The following CARS1 variants were observed in gnomAD, a reference collection of about 807,000 sequenced individuals.
CARS1 encodes cysteine--tRNA ligase, cytoplasmic.
CARS1 carries 48 observed loss-of-function variants against 106.2 expected under a neutral mutation model. That is an observed-to-expected ratio of 0.45 (90% confidence interval 0.36 to 0.57). The LOEUF (loss-of-function observed/expected upper bound fraction) is 0.57. Ranked by LOEUF, CARS1 falls within the 20% of genes least tolerant of loss-of-function variation. The pLI is 0.00. For missense variants in CARS1, 968 were observed against 1,057.2 expected (o/e 0.92, Z 1.17); for synonymous variants, 409 against 403.4 (o/e 1.01, Z -0.17).
Position 3,022,736 on chromosome 11 carries a change from C to A in CARS1, c.1154-2404G>T, listed in dbSNP as rs148829419. 9.9e-4 allele frequency among the ~76,000 whole-genome samples: 151 copies of A among 152,346 alleles called. No individual in the cohort carries two copies. Among genetic ancestry groups the A allele is most frequent in the African/African-American group, 3.6e-3 (148 of 41,576 alleles). ...CTCCCTGCACTAGGCCTTCCTGCCA[C>A]GTGCCTTCCCGAGTGGTCTGCATGG... is the stretch of plus-strand genomic sequence containing the variant. On this transcript the variant is annotated intron_variant, in intron 10 of 22. Coordinates refer to ENST00000380525, the MANE Select transcript of CARS1 (RefSeq NM_001014437.3). The surrounding 1 kb of genome is among the most constrained non-coding windows in gnomAD (Gnocchi z 4.9).
chr11:3,036,033 C>T (rs1452297799), intron 7 of CARS1, among the ~76,000 whole-genome samples: 1 of 152,220 alleles, frequency 6.6e-6, no homozygotes, highest in East Asian at 1.9e-4. Flanking sequence ...GGAATTGCGG[C>T]ACGTGCCAGG....
rs1185979183 is a variant in CARS1 at position 3,040,885 on chromosome 11, G to A, written c.455+11C>T. ...TGCAGAAGCTGCAGGGACACCCCGC[G>A]GTGGACCTACCTGGCGTGCCCCATG... On this transcript the variant is annotated intron_variant, in intron 4 of 22. Coordinates refer to ENST00000380525, the MANE Select transcript of CARS1 (RefSeq NM_001014437.3). This position sits in a 1 kb window ranked among gnomAD's most constrained non-coding sequence, Gnocchi z 5.8. The A allele has an allele frequency of 3.3e-5, 54 of 1,612,958 alleles. No individual in the cohort carries two copies. Among genetic ancestry groups the A allele is most frequent in the Non-Finnish European group, 4.1e-5 (48 of 1,179,506 alleles).
intron 1 of CARS1, among the ~76,000 whole-genome samples, chr11:3,051,790 CCT>C (rs1251187469): frequency 6.6e-6 from 1 of 152,202 alleles, no homozygotes. Flanking sequence ...ATTCCTCTCC[CCT>C]GTCCCCTCCC....
rs905911497 is a variant in CARS1 at position 3,052,281 on chromosome 11, C to T, written c.26-4280G>A. On this transcript the variant is annotated intron_variant, in intron 1 of 22. Coordinates refer to ENST00000380525, the MANE Select transcript of CARS1 (RefSeq NM_001014437.3). This position sits in a 1 kb window ranked among gnomAD's most constrained non-coding sequence, Gnocchi z 4.6. The stretch of plus-strand genomic sequence containing the variant: ...GGCGGCATTTCCTCACGGTAAAACA[C>T]GCTCATAACATCAGCCCTGTAAAGC... Among the ~76,000 whole-genome samples, 4 of 152,188 alleles carry T rather than the reference C, an allele frequency of 2.6e-5. No individual in the cohort carries two copies. The highest frequency in any genetic ancestry group is 7.2e-5 in the African/African-American group (3 of 41,456).
Position 3,036,428 on chromosome 11 carries a change from G to A in CARS1, c.801+1622C>T, listed in dbSNP as rs557744541. Among the ~76,000 whole-genome samples the A allele has an allele frequency of 1.6e-4, 24 of 152,138 alleles. No homozygotes were observed. In the South Asian group the frequency reaches 5.0e-3, roughly 32 times the overall value. ...ACAACACAAAACAACTCACAGTTCA[G>A]CAAAAGACACTCCACATCACTAGCC... On this transcript the variant is annotated intron_variant, in intron 7 of 22. Transcript: ENST00000380525.
At chr11:3,002,489 C>A in intron 21 of CARS1, 52 bp downstream of exon 21, 1 of 1,608,386 alleles carries the variant, frequency 6.2e-7, no homozygotes, top group South Asian at 1.1e-5. Flanking sequence ...GGCATGGGGT[C>A]AGGGTGCACT....
In CARS1 at chr11:3,022,361, G is replaced by A. The variant is rs71476700; in HGVS notation, c.1154-2029C>T. Among the ~76,000 whole-genome samples, 833 of 152,142 alleles carry A rather than the reference G, an allele frequency of 5.5e-3. 8 individuals are homozygous for A. Among genetic ancestry groups the A allele is most frequent in the Middle Eastern group, 0.027 (8 of 294 alleles). Reference sequence around the variant, plus strand: ...GTTTACCTCCCTGTCCCATGACTTCGCCCCTCACTTCCCCAGCAACCGGCA... The same window carrying A: ...GTTTACCTCCCTGTCCCATGACTTCACCCCTCACTTCCCCAGCAACCGGCA... On this transcript the variant is annotated intron_variant, in intron 10 of 22. Coordinates refer to ENST00000380525, the MANE Select transcript of CARS1 (RefSeq NM_001014437.3). This position sits in a 1 kb window ranked among gnomAD's most constrained non-coding sequence, Gnocchi z 4.9.
At chr11:3,011,775 C>T (rs116792101) in intron 18 of CARS1, among the ~76,000 whole-genome samples, 2,467 of 152,294 alleles carry the variant, frequency 0.016, 76 homozygotes, top group African/African-American at 0.056. Context: ...ACGAGCCACA[C>T]CTCAGCGCAC....
At chr11:3,036,567 T>C (rs1317136325) in intron 7 of CARS1, among the ~76,000 whole-genome samples, 1 of 152,216 alleles carries the variant, frequency 6.6e-6, no homozygotes, top group Non-Finnish European at 1.5e-5. Context: ...CCCCATGCAC[T>C]ATGGGTGGGA....
intron 2 of CARS1, 29 bp from the exon 3 acceptor site, chr11:3,042,285 T>TCCAGGGGCAGCA: frequency 6.4e-7 from 1 of 1,574,490 alleles, no homozygotes; most frequent in Non-Finnish European, 8.7e-7. Context: ...AGGATCAGGG[T>TCCAGGGGCAGCA]CCAGGGGCAG....
rs1261792062 is a variant in CARS1 at position 3,052,090 on chromosome 11, C to T, written c.26-4089G>A. ...TCACATTTTCTGCAGTAAGCATCTG[C>T]TATTTTTAAAATGAGAAAAACATCA... On this transcript the variant is annotated intron_variant, in intron 1 of 22. Coordinates refer to ENST00000380525, the MANE Select transcript of CARS1 (RefSeq NM_001014437.3). This position sits in a 1 kb window ranked among gnomAD's most constrained non-coding sequence, Gnocchi z 4.6. Among the ~76,000 whole-genome samples, 1 of 152,242 alleles carries T rather than the reference C, an allele frequency of 6.6e-6. No homozygotes were observed. Among genetic ancestry groups the T allele is most frequent in the Non-Finnish European group, 1.5e-5 (1 of 68,038 alleles).
chr11:3,026,286 A>G (rs1441037098), intron 10 of CARS1, among the ~76,000 whole-genome samples: 3 of 152,200 alleles, frequency 2.0e-5, no homozygotes, highest in Non-Finnish European at 2.9e-5. Flanking sequence ...CTAGCACAGT[A>G]GGGTGACTAT....
chr11:3,020,416 C>T lies in CARS1; in HGVS notation c.1154-84G>A, dbSNP rs1014885915. On this transcript the variant is annotated intron_variant, in intron 10 of 22. Coordinates refer to ENST00000380525, the MANE Select transcript of CARS1 (RefSeq NM_001014437.3). The surrounding 1 kb of genome is among the most constrained non-coding windows in gnomAD (Gnocchi z 4.6). ...CTCACTTCAAGGCCATCCACGGTGC[C>T]TAATGGGCAGTCCTTCTGACTAACT... The T allele has an allele frequency of 2.6e-6, 2 of 784,258 alleles. No homozygotes were observed. Among genetic ancestry groups the T allele is most frequent in the South Asian group, 2.8e-5 (2 of 71,756 alleles). 48.6% of individuals were successfully genotyped at this position (784,258 alleles called of 1,614,324 possible).
chr11:3,033,226 T>C (rs1456741490), intron 7 of CARS1, among the ~76,000 whole-genome samples: 1 of 152,030 alleles, frequency 6.6e-6, no homozygotes, highest in African/African-American at 2.4e-5. Context: ...CCAACAGGTA[T>C]AGCTAAGTGG....
At chr11:3,027,713 G>C (rs1852242151) in intron 9 of CARS1, 1 of 398,154 alleles carries the variant, frequency 2.5e-6, no homozygotes, top group Non-Finnish European at 5.2e-6. Context: ...GAAGACAAGA[G>C]TGTGAACCTC....
intron 2 of CARS1, among the ~76,000 whole-genome samples, chr11:3,047,527 G>C (rs980532671): frequency 1.3e-5 from 2 of 152,180 alleles, no homozygotes; most frequent in African/African-American, 4.8e-5. Context: ...CACCAGTGAT[G>C]TGAACATACT....
At chr11:3,011,767 G>A (rs888090507) in intron 18 of CARS1, among the ~76,000 whole-genome samples, 1 of 152,204 alleles carries the variant, frequency 6.6e-6, no homozygotes, top group Non-Finnish European at 1.5e-5. Flanking sequence ...CAGCAGGAAC[G>A]AGCCACACCT....
At position 3,045,975 on chromosome 11, in the gene CARS1, TGCTCAGTGTACA is replaced by T. The variant is rs1855037452; in HGVS notation, c.274+1766_274+1777del. On this transcript the variant is annotated intron_variant, in intron 2 of 22. Coordinates refer to ENST00000380525, the MANE Select transcript of CARS1 (RefSeq NM_001014437.3). This position sits in a 1 kb window ranked among gnomAD's most constrained non-coding sequence, Gnocchi z 5.6. The stretch of plus-strand genomic sequence containing the variant: ...AGCTCCCACCTCCCCCTTCAGCCCC[TGCTCAGTGTACA>T]GCAAGCTTGAGTGAGGGTCGCCTGA... 6.6e-6 allele frequency among the ~76,000 whole-genome samples: 1 copy of T among 152,172 alleles called. No individual in the cohort carries two copies. The highest frequency in any genetic ancestry group is 1.5e-5 in the Non-Finnish European group (1 of 68,038).
In CARS1 at chr11:3,044,661, C is replaced by T. The variant is rs1854894469; in HGVS notation, c.275-2405G>A. On this transcript the variant is annotated intron_variant, in intron 2 of 22. Coordinates refer to ENST00000380525, the MANE Select transcript of CARS1 (RefSeq NM_001014437.3). This position sits in a 1 kb window ranked among gnomAD's most constrained non-coding sequence, Gnocchi z 4.4. ...CTGCCTGCCTTGGCCTCCTAAAGTG[C>T]TGGGATTACAGGTGTGAGCCACCGC... 2.6e-5 allele frequency among the ~76,000 whole-genome samples: 4 copies of T among 152,192 alleles called. 1 individual carries two copies. The South Asian group carries it at 8.3e-4, about 31-fold the overall frequency.
Sources: allele counts gnomAD v4.1 joint callset (sites outside exome capture counted in the v4.1 genomes callset), GRCh38; gene constraint gnomAD v4.1.1; non-coding constraint Gnocchi (gnomAD v3.1); transcripts MANE v1.5; gene names NCBI Gene and HGNC (gene_info 2026-07-23, HGNC 2026-07-21).